The following PCDHGB2 variants were observed in gnomAD, a reference collection of about 807,000 sequenced individuals.
PCDHGB2 encodes the protein protocadherin gamma-B2.
In PCDHGB2, 55 loss-of-function variants were observed where a neutral mutation model predicts 59.3. The observed-to-expected ratio is 0.93, with a 90% confidence interval of 0.75 to 1.16. The LOEUF (loss-of-function observed/expected upper bound fraction) is 1.16. PCDHGB2 is among the 50% of genes most tolerant of loss of function. The probability of loss-of-function intolerance (pLI) is 0.00; values close to 1 mark genes in which losing one functional copy is unlikely to be tolerated. For synonymous variants in PCDHGB2, 516 were observed against 512.0 expected (o/e 1.01, Z -0.11); for missense variants, 1,228 against 1,198.5 (o/e 1.02, Z -0.36).
chr5:141,413,012 A>G (rs937468289), intron 1 of PCDHGB2: 10 of 657,718 alleles, frequency 1.5e-5, no homozygotes, highest in Middle Eastern at 4.2e-4. Flanking sequence ...GGCTTCAACT[A>G]CACAAGCCCC....
intron 1 of PCDHGB2, chr5:141,365,775 G>A: frequency 1.9e-6 from 3 of 1,613,864 alleles, no homozygotes; most frequent in Non-Finnish European, 2.5e-6. Context: ...CCCGACAGCG[G>A]CGACAACGCT....
At chr5:141,388,697 G>T in intron 1 of PCDHGB2, 1 of 1,613,998 alleles carries the variant, frequency 6.2e-7, no homozygotes, top group South Asian at 1.1e-5. Flanking sequence ...ACCAGGATGA[G>T]GGTGTCAATG....
rs1185679701 is a variant in PCDHGB2, at chr5:141,511,384, G to A, written c.*211G>A. On this transcript the variant is annotated 3_prime_UTR_variant, in exon 4 of 4. Coordinates refer to ENST00000522605, the MANE Select transcript of PCDHGB2 (RefSeq NM_018923.3). ...TTGAATATGCAAAAGCAGTTCCGCT[G>A]GGAACCCCCATCCAATCAACTGCTG... is the stretch of plus-strand genomic sequence containing the variant. 3.5e-6 allele frequency: 4 copies of A among 1,154,490 alleles called. No homozygotes were observed. Among genetic ancestry groups the A allele is most frequent in the Admixed American group, 2.9e-5 (1 of 34,748 alleles). 71.5% of individuals were successfully genotyped at this position (1,154,490 alleles called of 1,614,324 possible). A position where few individuals can be genotyped will look rare whatever the true frequency, so the allele number is the denominator to read the frequency against.
In PCDHGB2 at chr5:141,486,369, C is replaced by T; in HGVS notation, c.2422-8438C>T. 8 of 1,614,128 alleles carry T rather than the reference C, an allele frequency of 5.0e-6. No homozygotes were observed. The highest frequency in any genetic ancestry group is 6.8e-6 in the Non-Finnish European group (8 of 1,179,996). On this transcript the variant is annotated intron_variant, in intron 1 of 3. Coordinates refer to ENST00000522605, the MANE Select transcript of PCDHGB2 (RefSeq NM_018923.3). The surrounding 1 kb of genome is among the most constrained non-coding windows in gnomAD (Gnocchi z 5.0). ...GACCACTTGCCATTTGCCCTCAAGT[C>T]TGCCTTCAGGAACCAGTTCTCCCTG...
chr5:141,410,849 C>CTTTTTTTTTTT lies in PCDHGB2; in HGVS notation c.2421+48305_2421+48315dup, dbSNP rs759346998. On this transcript the variant is annotated intron_variant, in intron 1 of 3. Coordinates refer to ENST00000522605, the MANE Select transcript of PCDHGB2 (RefSeq NM_018923.3). ...CAGACTGAAGATATTTTGTCTTTGT[C>CTTTTTTTTTTT]TTTTTTTTTTTTTTTTTTTTTTGAG... 217 of 138,154 alleles carry CTTTTTTTTTTT rather than the reference C, an allele frequency of 1.6e-3. 10 individuals carry two copies. The highest frequency in any genetic ancestry group is 4.0e-3 in the African/African-American group (66 of 16,622). The allele number at this position is 138,154 out of a possible 1,614,324, so 8.6% of individuals were successfully genotyped here.
At position 141,485,681 on chromosome 5, in the gene PCDHGB2, T is replaced by A; in HGVS notation, c.2422-9126T>A. The A allele has an allele frequency of 6.2e-7, 1 of 1,614,074 alleles. No homozygotes were observed. The highest frequency in any genetic ancestry group is 8.5e-7 in the Non-Finnish European group (1 of 1,179,966). ...TGTGGGGAGCAATTCGATTAGCAGC[T>A]ATAGGCTGAGCTCCAATGAACACTT... On this transcript the variant is annotated intron_variant, in intron 1 of 3. Transcript: ENST00000522605. The surrounding 1 kb of genome is among the most constrained non-coding windows in gnomAD (Gnocchi z 5.7).
chr5:141,392,570 AG>A (rs1561637414), intron 1 of PCDHGB2: 1 of 443,018 alleles, frequency 2.3e-6, no homozygotes, highest in East Asian at 3.6e-5. Context: ...GTAACTATTT[AG>A]GACTGTAAGC....
chr5:141,492,037 C>A (rs556842734), intron 1 of PCDHGB2: 94 of 538,798 alleles, frequency 1.7e-4, no homozygotes, highest in Non-Finnish European at 2.5e-4. Flanking sequence ...AGGAGGCAGT[C>A]ACAGATCCAC....
chr5:141,376,018 C>G (rs761668305), intron 1 of PCDHGB2: 2 of 1,613,312 alleles, frequency 1.2e-6, no homozygotes, highest in Admixed American at 1.7e-5. Context: ...TAGTGGTGGC[C>G]GTCCAGGACC....
At chr5:141,418,308 T>G in intron 1 of PCDHGB2, 6 of 1,613,946 alleles carry the variant, frequency 3.7e-6, no homozygotes, top group Non-Finnish European at 5.1e-6. Flanking sequence ...AGCCTGGGGA[T>G]GGGAACAATT....
intron 1 of PCDHGB2, chr5:141,479,712 C>T (rs1488849933): frequency 6.6e-6 from 1 of 152,216 alleles, no homozygotes; most frequent in Non-Finnish European, 1.5e-5. Flanking sequence ...CCCTGTCCTT[C>T]CAGCCTTATT....
chr5:141,485,033 T>C lies in PCDHGB2; in HGVS notation c.2422-9774T>C. 1 of 689,352 alleles carries C rather than the reference T, an allele frequency of 1.5e-6. No homozygotes were observed. The highest frequency in any genetic ancestry group is 2.5e-6 in the Non-Finnish European group (1 of 392,590). The allele number at this position is 689,352 out of a possible 1,614,324, so 42.7% of individuals were successfully genotyped here. On this transcript the variant is annotated intron_variant, in intron 1 of 3. Coordinates refer to ENST00000522605, the MANE Select transcript of PCDHGB2 (RefSeq NM_018923.3). This position sits in a 1 kb window ranked among gnomAD's most constrained non-coding sequence, Gnocchi z 5.7. ...CCCCGCCACCAGCAAAAACGGCGCG[T>C]AACCCTTGCGGCGCCGGCCGAACCG...
chr5:141,418,330 A>C (rs1346623372), intron 1 of PCDHGB2: 2 of 1,613,922 alleles, frequency 1.2e-6, no homozygotes, highest in Admixed American at 1.7e-5. Flanking sequence ...TTGAGTCTGC[A>C]GAAGATCCTG....
chr5:141,492,579 G>T (rs547852117), intron 1 of PCDHGB2, among the ~76,000 whole-genome samples: 2 of 152,356 alleles, frequency 1.3e-5, no homozygotes, highest in East Asian at 1.9e-4. Context: ...GAGGCGCGGG[G>T]CCAGGAGCGC....
chr5:141,388,803 T>G lies in PCDHGB2; in HGVS notation c.2421+26247T>G, dbSNP rs774082539. The G allele has an allele frequency of 3.1e-6, 5 of 1,613,936 alleles. No individual in the cohort carries two copies. In the East Asian group the frequency reaches 1.1e-4, roughly 36 times the overall value. ...AATTACTGTTTTAAATACATTAGATTTTGAAGAAGTCAAAGAATATTCCAT... is the reference window on the plus strand; with the variant it reads ...AATTACTGTTTTAAATACATTAGATGTTGAAGAAGTCAAAGAATATTCCAT... On this transcript the variant is annotated intron_variant, in intron 1 of 3. Transcript: ENST00000522605.
chr5:141,418,324 G>A, intron 1 of PCDHGB2: 2 of 1,614,006 alleles, frequency 1.2e-6, no homozygotes, highest in Non-Finnish European at 1.7e-6. Context: ...CAATTCTTGA[G>A]TCTGCAGAAG....
In PCDHGB2 at chr5:141,476,321, G is replaced by GT; in HGVS notation, c.2422-18485dup. ...CCTCTCAGCCCGCAGGTTCCGGGTG[G>GT]TGTCTGGAGCTAGCCGAAGATTCTT... On this transcript the variant is annotated intron_variant, in intron 1 of 3. Coordinates refer to ENST00000522605, the MANE Select transcript of PCDHGB2 (RefSeq NM_018923.3). The surrounding 1 kb of genome is among the most constrained non-coding windows in gnomAD (Gnocchi z 7.6). The GT allele has an allele frequency of 6.2e-7, 1 of 1,614,196 alleles. No individual in the cohort carries two copies. Among genetic ancestry groups the GT allele is most frequent in the Non-Finnish European group, 8.5e-7 (1 of 1,180,050 alleles).
chr5:141,361,614 G>T lies in PCDHGB2; in HGVS notation c.1479G>T (p.Ala493=), dbSNP rs919763957. The change falls in exon 1 of 4, where the codon GCG becomes GCT. Residue 493 remains alanine, a synonymous_variant. Transcript: ENST00000522605. ...GCCAAGTTTCCTACTCCATCGTAGC[G>T]AGCGACCTGAAGCCGCGGGAGATTT... ...PSGQVSYSIV[A]SDLKPREILS... The T allele has an allele frequency of 6.2e-7, 1 of 1,613,946 alleles. No homozygotes were observed.
chr5:141,496,338 G>A (rs1011495959), intron 2 of PCDHGB2, among the ~76,000 whole-genome samples: 5 of 152,230 alleles, frequency 3.3e-5, no homozygotes, highest in African/African-American at 9.6e-5. Flanking sequence ...TCAGGAGCCT[G>A]GAGGAGTCTC....
Sources: allele counts gnomAD v4.1 joint callset (sites outside exome capture counted in the v4.1 genomes callset), GRCh38; gene constraint gnomAD v4.1.1; non-coding constraint Gnocchi (gnomAD v3.1); transcripts MANE v1.5; gene names NCBI Gene and HGNC (gene_info 2026-07-23, HGNC 2026-07-21).